ZBTB20: variants seen among roughly 807,000 people sequenced by gnomAD.
The protein encoded by ZBTB20 is zinc finger and BTB domain-containing protein 20.
A neutral mutation model predicts 56.9 loss-of-function variants in ZBTB20; 9 were observed. That is an observed-to-expected ratio of 0.16 (90% CI 0.10 to 0.28). The LOEUF is 0.28. Among genes scored for constraint, ZBTB20 ranks in the 10% least tolerant of loss-of-function variants. ZBTB20 has a pLI of 1.00. For synonymous variants in ZBTB20, 417 were observed against 420.7 expected (o/e 0.99, Z 0.11); for missense variants, 655 against 1,003.0 (o/e 0.65, Z 4.69).
chr3:115,147,152 C>G (rs2085028306), intron 1 of ZBTB20, 67 bp downstream of exon 1: 1 of 148,628 alleles, frequency 6.7e-6, no homozygotes, highest in Non-Finnish European at 1.5e-5. Context: ...CCTCATCCCC[C>G]TCGGCACGCA....
intron 2 of ZBTB20, among the ~76,000 whole-genome samples, chr3:115,058,228 T>C (rs761719258): frequency 6.6e-6 from 1 of 152,188 alleles, no homozygotes; most frequent in Non-Finnish European, 1.5e-5. Flanking sequence ...CTAGTTTATA[T>C]TGTTTCTGAC....
intron 5 of ZBTB20, among the ~76,000 whole-genome samples, chr3:114,698,476 A>G (rs1049640617): frequency 2.0e-5 from 3 of 152,126 alleles, no homozygotes; most frequent in Non-Finnish European, 2.9e-5. Flanking sequence ...TTCCCATGCC[A>G]TATAATGAAT....
chr3:115,141,837 T>C (rs1232984524), intron 1 of ZBTB20, among the ~76,000 whole-genome samples: 1 of 152,180 alleles, frequency 6.6e-6, no homozygotes, highest in African/African-American at 2.4e-5. Context: ...AGACTTACCT[T>C]ACAAATATGA....
intron 6 of ZBTB20, among the ~76,000 whole-genome samples, chr3:114,563,887 A>G (rs1307411564): frequency 1.3e-5 from 2 of 152,236 alleles, no homozygotes; most frequent in African/African-American, 2.4e-5. Flanking sequence ...TTCATGAAGC[A>G]GGTTCATGGG....
intron 2 of ZBTB20, among the ~76,000 whole-genome samples, 175 bp from the exon 3 acceptor site, chr3:114,974,591 G>A (rs552388986): frequency 6.1e-4 from 93 of 152,216 alleles, no homozygotes; most frequent in Non-Finnish European, 1.1e-3. Flanking sequence ...AGTAAAACGT[G>A]GCCCAAATAT....
At chr3:114,917,975 GC>G (rs1553859102) in intron 3 of ZBTB20, among the ~76,000 whole-genome samples, 1 of 150,234 alleles carries the variant, frequency 6.7e-6, no homozygotes, top group Non-Finnish European at 1.5e-5. Context: ...GGCACCGAAT[GC>G]CCCCGGCCCC....
chr3:114,891,339 C>T (rs1460065698), intron 4 of ZBTB20, among the ~76,000 whole-genome samples: 1 of 152,186 alleles, frequency 6.6e-6, no homozygotes, highest in Non-Finnish European at 1.5e-5. Context: ...TCTAAGCATG[C>T]AATTTGACAC....
chr3:114,457,839 A>T (rs899014643), intron 7 of ZBTB20, among the ~76,000 whole-genome samples: 1 of 152,186 alleles, frequency 6.6e-6, no homozygotes, highest in Non-Finnish European at 1.5e-5. Context: ...AGCCAATCTG[A>T]TTTTAAAGCC....
chr3:114,628,664 A>C (rs1290330753), intron 6 of ZBTB20, among the ~76,000 whole-genome samples: 1 of 152,130 alleles, frequency 6.6e-6, no homozygotes, highest in Non-Finnish European at 1.5e-5. Context: ...TTTTCCTCCA[A>C]ACTTTTTGAA....
At chr3:114,593,110 A>C (rs976279174) in intron 6 of ZBTB20, among the ~76,000 whole-genome samples, 12 of 152,180 alleles carry the variant, frequency 7.9e-5, no homozygotes, top group Non-Finnish European at 1.5e-4. Flanking sequence ...TATTTTTCCA[A>C]AAGGAACAAC....
chr3:114,913,056 A>C (rs2075605340), intron 3 of ZBTB20, among the ~76,000 whole-genome samples: 1 of 152,096 alleles, frequency 6.6e-6, no homozygotes, highest in Non-Finnish European at 1.5e-5. Context: ...AAGTGCATAT[A>C]TATCTTCAAT....
chr3:114,337,766 T>C lies in ZBTB20; in HGVS notation c.*1239A>G, dbSNP rs1331295426. The C allele has an allele frequency of 6.6e-6, 1 of 152,142 alleles. No individual in the cohort carries two copies. The highest frequency in any genetic ancestry group is 2.4e-5 in the African/African-American group (1 of 41,444). The allele number at this position is 152,142 out of a possible 1,614,324, so 9.4% of individuals were successfully genotyped here. On this transcript the variant is annotated 3_prime_UTR_variant, in exon 12 of 12. Transcript: ENST00000675478. ...CTTTAGTTGCCTTTTATTCTTTCTATCTGGAAGCAGTATCGCTAACCTTAA... is the reference window on the plus strand; with the variant it reads ...CTTTAGTTGCCTTTTATTCTTTCTACCTGGAAGCAGTATCGCTAACCTTAA...
At chr3:114,393,196 A>G (rs1231256667) in intron 7 of ZBTB20, among the ~76,000 whole-genome samples, 2 of 151,440 alleles carry the variant, frequency 1.3e-5, no homozygotes, top group Admixed American at 1.3e-4. Flanking sequence ...CTAACCCATC[A>G]TAAGGCTGGA....
At chr3:114,349,219 A>G (rs2080442359) in intron 11 of ZBTB20, among the ~76,000 whole-genome samples, 1 of 146,934 alleles carries the variant, frequency 6.8e-6, no homozygotes, top group South Asian at 2.2e-4. Flanking sequence ...AAAAAAAAAA[A>G]GAATTTCAAA....
At chr3:114,871,498 T>C (rs1412746660) in intron 4 of ZBTB20, among the ~76,000 whole-genome samples, 1 of 152,162 alleles carries the variant, frequency 6.6e-6, no homozygotes, top group Non-Finnish European at 1.5e-5. Flanking sequence ...TTAGGCTAAA[T>C]GTGCTACTGG....
At chr3:115,107,275 C>G (rs2083750050) in intron 1 of ZBTB20, among the ~76,000 whole-genome samples, 2 of 151,992 alleles carry the variant, frequency 1.3e-5, no homozygotes, top group Admixed American at 1.3e-4. Flanking sequence ...AAAAAATCAG[C>G]CTTGTATGAT....
chr3:114,645,225 G>C (rs961873230), intron 6 of ZBTB20, among the ~76,000 whole-genome samples: 2 of 152,018 alleles, frequency 1.3e-5, no homozygotes, highest in Non-Finnish European at 2.9e-5. Context: ...TTGTTTAAGA[G>C]TTCATATATT....
chr3:114,460,792 C>T (rs971577571), intron 7 of ZBTB20, among the ~76,000 whole-genome samples: 1 of 152,204 alleles, frequency 6.6e-6, no homozygotes, highest in East Asian at 1.9e-4. Flanking sequence ...AATCTTTCAA[C>T]ACAGTTGAAA....
At chr3:114,595,185 C>T (rs865887923) in intron 6 of ZBTB20, among the ~76,000 whole-genome samples, 4 of 152,154 alleles carry the variant, frequency 2.6e-5, no homozygotes, top group Admixed American at 6.5e-5. Context: ...AAGGGAACTT[C>T]CTTCTACCAA....
Sources: allele counts gnomAD v4.1 joint callset (sites outside exome capture counted in the v4.1 genomes callset), GRCh38; gene constraint gnomAD v4.1.1; transcripts MANE v1.5; gene names NCBI Gene and HGNC (gene_info 2026-07-23, HGNC 2026-07-21).